Variants in NRM observed in about 807,000 individuals in gnomAD.
The protein encoded by NRM is nurim, also known as nuclear rim protein.
A neutral mutation model predicts 23.4 loss-of-function variants in NRM; 19 were observed. That is an observed-to-expected ratio of 0.81 (90% confidence interval 0.57 to 1.19). The LOEUF (loss-of-function observed/expected upper bound fraction) is 1.19, where lower values mean the gene tolerates loss of function less well. NRM is among the 50% of genes most tolerant of loss of function. NRM has a pLI of 0.00. For synonymous variants in NRM, 140 were observed against 143.5 expected (o/e 0.98, Z 0.17); for missense variants, 232 against 329.7 (o/e 0.70, Z 2.30).
chr6:30,690,820 A>T lies in NRM; in HGVS notation c.133+22T>A. ...GGCTCCACCTTCCTCCTCCCAGTTC[A>T]TCCTCGATCCCTCCCGCTCACCCGG... On this transcript the variant is annotated intron_variant, in intron 1 of 3. Coordinates refer to ENST00000376421, the MANE Select transcript of NRM (RefSeq NM_001384369.1). This position sits in a 1 kb window ranked among gnomAD's most constrained non-coding sequence, Gnocchi z 5.5. 1 of 1,612,496 alleles carries T rather than the reference A, an allele frequency of 6.2e-7. No homozygotes were observed. Among genetic ancestry groups the T allele is most frequent in the Non-Finnish European group, 8.5e-7 (1 of 1,179,862 alleles).
At chr6:30,691,105 C>G, upstream of NRM, 1 of 1,074,904 alleles carries the variant, frequency 9.3e-7, no homozygotes, top group Non-Finnish European at 1.3e-6. Context: ...GCCAGGCTTC[C>G]GGCCCGCCTG....
Position 30,688,317 on chromosome 6 carries a change from C to T in NRM, c.*344G>A, listed in dbSNP as rs997861749. ...GCGGTGCAGAAGGGGACCCCTGAGG[C>T]GCAGAGGCAAGTAACAGTGCCAGGG... On this transcript the variant is annotated 3_prime_UTR_variant, in exon 4 of 4. Coordinates refer to ENST00000376421, the MANE Select transcript of NRM (RefSeq NM_001384369.1). The surrounding 1 kb of genome is among the most constrained non-coding windows in gnomAD (Gnocchi z 5.9). 4.0e-5 allele frequency: 13 copies of T among 321,046 alleles called. No individual in the cohort carries two copies. Among genetic ancestry groups the T allele is most frequent in the Non-Finnish European group, 6.4e-5 (11 of 171,524 alleles). 19.9% of individuals were successfully genotyped at this position (321,046 alleles called of 1,614,324 possible). A position where few individuals can be genotyped will look rare whatever the true frequency, so the allele number is the denominator to read the frequency against.
Position 30,688,751 on chromosome 6 carries a change from C to T in NRM, c.699G>A (p.Gly233=), listed in dbSNP as rs750566496. The T allele has an allele frequency of 6.8e-6, 11 of 1,613,800 alleles. No homozygotes were observed. Among genetic ancestry groups the T allele is most frequent in the East Asian group, 2.2e-5 (1 of 44,860 alleles). ...LLTLYLGLAH[G]LDQQDLRYLR... ...GGTAGCGGAGGTCTTGCTGATCAAG[C>T]CCGTGAGCCAGGCCCAGGTAGAGGG... The change falls in exon 4 of 4, where the codon GGG becomes GGA. Residue 233 remains glycine, a synonymous_variant. Coordinates refer to ENST00000376421, the MANE Select transcript of NRM (RefSeq NM_001384369.1). This position sits in a 1 kb window ranked among gnomAD's most constrained non-coding sequence, Gnocchi z 5.9.
Position 30,690,758 on chromosome 6 carries a change from ATT to A in NRM, c.133+82_133+83del, listed in dbSNP as rs1771543365. ...TTCCCTCTCTTGGACTTCCCCTGTC[ATT>A]TGTTTCCAAGCCCCGCCCTCAATCC... On this transcript the variant is annotated intron_variant, in intron 1 of 3. Coordinates refer to ENST00000376421, the MANE Select transcript of NRM (RefSeq NM_001384369.1). This position sits in a 1 kb window ranked among gnomAD's most constrained non-coding sequence, Gnocchi z 5.5. 6.2e-7 allele frequency: 1 copy of A among 1,611,240 alleles called. No homozygotes were observed. The highest frequency in any genetic ancestry group is 1.1e-5 in the South Asian group (1 of 90,852).
Position 30,689,322 on chromosome 6 carries a change from C to T in NRM, c.461G>A (p.Ser154Asn), listed in dbSNP as rs1422584118. Residue 154 changes from serine to asparagine, a missense_variant, in exon 3 of 4, where the codon AGC becomes AAC. Physicochemically the swap from Ser to Asn is conservative, Grantham distance 46. Coordinates refer to ENST00000376421, the MANE Select transcript of NRM (RefSeq NM_001384369.1). This position sits in a 1 kb window ranked among gnomAD's most constrained non-coding sequence, Gnocchi z 4.7. Reference sequence around the variant, plus strand: ...AGCATAGTCAAAGACGAGAAGGATGCTAAAGATGAGGAGCCAGGAGATGAC... The same window carrying T: ...AGCATAGTCAAAGACGAGAAGGATGTTAAAGATGAGGAGCCAGGAGATGAC... ...LHVISWLLIF[S>N]ILLVFDYAEL... The T allele has an allele frequency of 6.4e-7, 1 of 1,555,356 alleles. No homozygotes were observed. Among genetic ancestry groups the T allele is most frequent in the African/African-American group, 1.4e-5 (1 of 73,366 alleles).
chr6:30,690,310 A>G lies in NRM; in HGVS notation c.134-67T>C. 1 of 1,385,060 alleles carries G rather than the reference A, an allele frequency of 7.2e-7. No individual in the cohort carries two copies. The highest frequency in any genetic ancestry group is 2.4e-5 in the East Asian group (1 of 41,810). 85.8% of individuals were successfully genotyped at this position (1,385,060 alleles called of 1,614,324 possible). Reference sequence around the variant, plus strand: ...GTGGCAGAATGTTTCCCCCACCCTCATCTCCTCTTGGATCCCCAGGCCATG... The same window carrying G: ...GTGGCAGAATGTTTCCCCCACCCTCGTCTCCTCTTGGATCCCCAGGCCATG... On this transcript the variant is annotated intron_variant, in intron 1 of 3. Coordinates refer to ENST00000376421, the MANE Select transcript of NRM (RefSeq NM_001384369.1). The surrounding 1 kb of genome is among the most constrained non-coding windows in gnomAD (Gnocchi z 5.5).
At position 30,689,472 on chromosome 6, in the gene NRM, T is replaced by G; in HGVS notation, c.331-20A>C. 1 of 1,552,296 alleles carries G rather than the reference T, an allele frequency of 6.4e-7. No individual in the cohort carries two copies. ...CACCAGCTGTGGAAGGATAAGGGGC[T>G]GGGTATCCCAGTGGCCTAGTCTGCC... On this transcript the variant is annotated intron_variant, in intron 2 of 3. Coordinates refer to ENST00000376421, the MANE Select transcript of NRM (RefSeq NM_001384369.1). The surrounding 1 kb of genome is among the most constrained non-coding windows in gnomAD (Gnocchi z 4.7).
chr6:30,690,071 C>A lies in NRM; in HGVS notation c.306G>T (p.Val102=). 1 of 1,612,102 alleles carries A rather than the reference C, an allele frequency of 6.2e-7. No individual in the cohort carries two copies. Among genetic ancestry groups the A allele is most frequent in the Non-Finnish European group, 8.5e-7 (1 of 1,179,704 alleles). Residue 102 remains valine (V), a synonymous_variant, in exon 2 of 4, where the codon GTG becomes GTT. Coordinates refer to ENST00000376421, the MANE Select transcript of NRM (RefSeq NM_001384369.1). The surrounding 1 kb of genome is among the most constrained non-coding windows in gnomAD (Gnocchi z 5.5). ...YFGVLQRSLY[V]ACTALALQLV... The stretch of plus-strand genomic sequence containing the variant: ...CCTGCAAGGCCAGGGCAGTGCAGGC[C>A]ACATACAGTGACCTCTGAAGGACCC...
At position 30,688,858 on chromosome 6, in the gene NRM, G is replaced by A; in HGVS notation, c.592C>T (p.Pro198Ser). 1 of 1,613,906 alleles carries A rather than the reference G, an allele frequency of 6.2e-7. No homozygotes were observed. Among genetic ancestry groups the A allele is most frequent in the South Asian group, 1.1e-5 (1 of 91,070 alleles). Reference sequence around the variant, plus strand: ...ACTGTCAGCAGCTCCACACACACTGGGTGGCGCAGGTGGGAGAAGAGTCTG... The same window carrying A: ...ACTGTCAGCAGCTCCACACACACTGAGTGGCGCAGGTGGGAGAAGAGTCTG... ...ALRLFSHLRH[P>S]VCVELLTVLW... The change falls in exon 4 of 4, where the codon CCA (proline) becomes TCA (serine). Residue 198 changes from proline to serine, a missense_variant. Pro to Ser is a moderately conservative substitution (Grantham distance 74). Transcript: ENST00000376421. This position sits in a 1 kb window ranked among gnomAD's most constrained non-coding sequence, Gnocchi z 5.9.
Position 30,689,166 on chromosome 6 carries a change from G to T in NRM, c.507+110C>A. On this transcript the variant is annotated intron_variant, in intron 3 of 3. Coordinates refer to ENST00000376421, the MANE Select transcript of NRM (RefSeq NM_001384369.1). The surrounding 1 kb of genome is among the most constrained non-coding windows in gnomAD (Gnocchi z 4.7). ...GGAAAGTCAAAGGGAAGGGCCACGAGGGAGAAGCAGGGAGACAGTAGAAGA... is the reference window on the plus strand; with the variant it reads ...GGAAAGTCAAAGGGAAGGGCCACGATGGAGAAGCAGGGAGACAGTAGAAGA... The T allele has an allele frequency of 4.1e-6, 5 of 1,206,986 alleles. No homozygotes were observed. The highest frequency in any genetic ancestry group is 1.6e-5 in the South Asian group (1 of 64,088). The allele number at this position is 1,206,986 out of a possible 1,614,324, so 74.8% of individuals were successfully genotyped here.
At chr6:30,691,051 C>G (rs1771603882), upstream of NRM, 3 of 1,505,588 alleles carry the variant, frequency 2.0e-6, no homozygotes, top group Non-Finnish European at 2.7e-6. Flanking sequence ...GGCCCCGCCC[C>G]CGGCTGAATC....
Position 30,689,960 on chromosome 6 carries a change from T to C in NRM, c.330+87A>G, listed in dbSNP as rs1771419720. Reference sequence around the variant, plus strand: ...TCCTCCTGAACCCATATTTTGCCCCTCCAATCCACGGCACCCCTCCCACAC... The same window carrying C: ...TCCTCCTGAACCCATATTTTGCCCCCCCAATCCACGGCACCCCTCCCACAC... On this transcript the variant is annotated intron_variant, in intron 2 of 3. Coordinates refer to ENST00000376421, the MANE Select transcript of NRM (RefSeq NM_001384369.1). This position sits in a 1 kb window ranked among gnomAD's most constrained non-coding sequence, Gnocchi z 4.7. 24 of 1,434,444 alleles carry C rather than the reference T, an allele frequency of 1.7e-5. No individual in the cohort carries two copies. Among genetic ancestry groups the C allele is most frequent in the Non-Finnish European group, 2.3e-5 (24 of 1,058,696 alleles). The allele number at this position is 1,434,444 out of a possible 1,614,324, so 88.9% of individuals were successfully genotyped here.
At position 30,690,217 on chromosome 6, in the gene NRM, G is replaced by C. The variant is rs769655484; in HGVS notation, c.160C>G (p.Leu54Val). Residue 54 changes from leucine (L) to valine (V), a missense_variant, in exon 2 of 4, where the codon CTG becomes GTG. Coordinates refer to ENST00000376421, the MANE Select transcript of NRM (RefSeq NM_001384369.1). The surrounding 1 kb of genome is among the most constrained non-coding windows in gnomAD (Gnocchi z 5.5). Reference sequence around the variant, plus strand: ...GGGGCAAGGATGCTGCGGTCCTGCAGGGCAGCCAGCCATCCCTGGCGGGCA... The same window carrying C: ...GGGGCAAGGATGCTGCGGTCCTGCACGGCAGCCAGCCATCCCTGGCGGGCA... ...PDARQGWLAA[L>V]QDRSILAPLA... 5.1e-6 allele frequency: 8 copies of C among 1,578,144 alleles called. No individual in the cohort carries two copies. In the South Asian group the frequency reaches 8.2e-5, roughly 16 times the overall value.
At chr6:30,691,118 G>T, upstream of NRM, 3 of 908,132 alleles carry the variant, frequency 3.3e-6, no homozygotes, top group Non-Finnish European at 4.9e-6. Flanking sequence ...CCCGCCTGGC[G>T]CAGCCTTCCC....
rs1771415649 is a variant in NRM at position 30,689,926 on chromosome 6, C to T, written c.330+121G>A. The T allele has an allele frequency of 1.1e-6, 1 of 892,766 alleles. No homozygotes were observed. The highest frequency in any genetic ancestry group is 1.7e-6 in the Non-Finnish European group (1 of 584,550). The allele number at this position is 892,766 out of a possible 1,614,324, so 55.3% of individuals were successfully genotyped here. A position where few individuals can be genotyped will look rare whatever the true frequency, so the allele number is the denominator to read the frequency against. ...GGAGGAATGGAAGCTGAGATTAGTT[C>T]CTCAATTCTCCTCCTGAACCCATAT... On this transcript the variant is annotated intron_variant, in intron 2 of 3. Transcript: ENST00000376421. This position sits in a 1 kb window ranked among gnomAD's most constrained non-coding sequence, Gnocchi z 4.7.
chr6:30,690,576 T>C lies in NRM; in HGVS notation c.133+266A>G, dbSNP rs1456055203. 36 of 1,543,364 alleles carry C rather than the reference T, an allele frequency of 2.3e-5. No individual in the cohort carries two copies. The highest frequency in any genetic ancestry group is 9.9e-5 in the Admixed American group (5 of 50,694). ...TAACACTCTCCTCTCAACAGTCCTC[T>C]CTACAAAACACTTTACTTAGAATAC... is the stretch of plus-strand genomic sequence containing the variant. On this transcript the variant is annotated intron_variant, in intron 1 of 3. Coordinates refer to ENST00000376421, the MANE Select transcript of NRM (RefSeq NM_001384369.1). The surrounding 1 kb of genome is among the most constrained non-coding windows in gnomAD (Gnocchi z 5.5).
At position 30,689,376 on chromosome 6, in the gene NRM, C is replaced by T; in HGVS notation, c.407G>A (p.Trp136Ter). 6.4e-7 allele frequency: 1 copy of T among 1,562,780 alleles called. No homozygotes were observed. Residue 136 changes from tryptophan (W) to a stop codon, truncating the protein, a stop_gained, in exon 3 of 4, where the codon TGG (tryptophan) becomes TAG (stop). Transcript: ENST00000376421. LOFTEE classifies it high-confidence loss of function. This position sits in a 1 kb window ranked among gnomAD's most constrained non-coding sequence, Gnocchi z 4.7. Reference sequence around the variant, plus strand: ...GAGCACAAAGCAGAGGAGCGGCACCCAGGTGGCCCATGGCTCAGCCCGAGC... The same window carrying T: ...GAGCACAAAGCAGAGGAGCGGCACCTAGGTGGCCCATGGCTCAGCCCGAGC... Reference protein sequence around the residue: ...WEARAEPWATWVPLLCFVLHV... With the variant: ...WEARAEPWAT
Position 30,689,527 on chromosome 6 carries a change from C to T in NRM, c.331-75G>A. ...CTTGGGAGACCCAGACCCAGATCTG[C>T]CCCCACCACAGGCTAGCCTGCAACT... On this transcript the variant is annotated intron_variant, in intron 2 of 3. Coordinates refer to ENST00000376421, the MANE Select transcript of NRM (RefSeq NM_001384369.1). This position sits in a 1 kb window ranked among gnomAD's most constrained non-coding sequence, Gnocchi z 4.7. 7.1e-7 allele frequency: 1 copy of T among 1,406,518 alleles called. No homozygotes were observed. Among genetic ancestry groups the T allele is most frequent in the South Asian group, 1.4e-5 (1 of 69,566 alleles). 87.1% of individuals were successfully genotyped at this position (1,406,518 alleles called of 1,614,324 possible).
chr6:30,688,656 G>C lies in NRM; in HGVS notation c.*5C>G. On this transcript the variant is annotated 3_prime_UTR_variant, in exon 4 of 4. Coordinates refer to ENST00000376421, the MANE Select transcript of NRM (RefSeq NM_001384369.1). The surrounding 1 kb of genome is among the most constrained non-coding windows in gnomAD (Gnocchi z 5.9). ...AGAACAGGGCTTGTAACCAGAGTGA[G>C]CTCCTCACTCTGCCTCCCCATCCTG... is the stretch of plus-strand genomic sequence containing the variant. 6.2e-7 allele frequency: 1 copy of C among 1,612,856 alleles called. No individual in the cohort carries two copies. The highest frequency in any genetic ancestry group is 8.5e-7 in the Non-Finnish European group (1 of 1,179,290).
Sources: allele counts gnomAD v4.1 joint callset, GRCh38; gene constraint gnomAD v4.1.1; non-coding constraint Gnocchi (gnomAD v3.1); transcripts MANE v1.5; gene names NCBI Gene and HGNC (gene_info 2026-07-23, HGNC 2026-07-21).